Variants in PCDH15 observed in about 807,000 individuals in gnomAD.
PCDH15 encodes the protein protocadherin-15.
PCDH15 carries 129 observed loss-of-function variants against 178.5 expected under a neutral mutation model. The observed-to-expected ratio is 0.72, with a 90% CI of 0.63 to 0.84. The LOEUF (loss-of-function observed/expected upper bound fraction) is 0.84. Ranked by LOEUF, PCDH15 falls within the 40% of genes least tolerant of loss-of-function variation. The pLI is 0.00. For synonymous variants in PCDH15, 800 were observed against 732.0 expected (o/e 1.09, Z -1.50); for missense variants, 2,230 against 2,099.9 (o/e 1.06, Z -1.21).
In PCDH15 at chr10:55,097,457, C is replaced by T. The variant is rs73257829; in HGVS notation, c.-80+69119G>A. 3.9e-3 allele frequency among the ~76,000 whole-genome samples: 592 copies of T among 152,162 alleles called. 5 individuals carry two copies. Among genetic ancestry groups the T allele is most frequent in the African/African-American group, 0.013 (526 of 41,516 alleles). The stretch of plus-strand genomic sequence containing the variant: ...CCATTAAACTGTAAACTCAAGCTCA[C>T]GCTAAGAACAAGAGATGTCCCAACT... On this transcript the variant is annotated intron_variant, in intron 2 of 5. Coordinates refer to the PCDH15 transcript ENST00000458638.
chr10:55,499,568 T>C (rs1840609822), intron 2 of PCDH15, among the ~76,000 whole-genome samples: 2 of 151,744 alleles, frequency 1.3e-5, no homozygotes, highest in East Asian at 1.9e-4. Context: ...TTAAAATTCT[T>C]ATACAATTTT....
intron 1 of PCDH15, among the ~76,000 whole-genome samples, chr10:54,693,572 G>A (rs1239610977): frequency 2.0e-5 from 3 of 152,100 alleles, no homozygotes; most frequent in African/African-American, 4.8e-5. Context: ...ATCTAACTTG[G>A]TTTCTGAATG....
chr10:54,480,075 A>C (rs1445748960), intron 3 of PCDH15, among the ~76,000 whole-genome samples: 1 of 152,138 alleles, frequency 6.6e-6, no homozygotes, highest in Non-Finnish European at 1.5e-5. Context: ...AAGTCTACAC[A>C]CCATTTGTAA....
intron 26 of PCDH15, among the ~76,000 whole-genome samples, chr10:53,902,668 G>A (rs976575616): frequency 3.3e-5 from 5 of 152,098 alleles, no homozygotes; most frequent in Admixed American, 2.0e-4. Context: ...AACATTTGAT[G>A]ATAAATAAAG....
intron 2 of PCDH15, among the ~76,000 whole-genome samples, chr10:55,484,200 T>C (rs1373980667): frequency 1.3e-5 from 2 of 151,798 alleles, no homozygotes; most frequent in East Asian, 2.0e-4. Flanking sequence ...ACAAAGTTAA[T>C]ACCTGGTTAG....
At chr10:54,396,577 T>C (rs1202493655) in intron 3 of PCDH15, among the ~76,000 whole-genome samples, 1 of 152,150 alleles carries the variant, frequency 6.6e-6, no homozygotes, top group Non-Finnish European at 1.5e-5. Flanking sequence ...TTTCATTCTC[T>C]TTCCAACACT....
chr10:55,053,774 G>C (rs1230513592), intron 2 of PCDH15, among the ~76,000 whole-genome samples: 2 of 152,292 alleles, frequency 1.3e-5, no homozygotes, highest in East Asian at 3.9e-4. Flanking sequence ...CACATGGAAA[G>C]TGTCCAGCAC....
chr10:53,952,218 C>A (rs1029635366), intron 23 of PCDH15, among the ~76,000 whole-genome samples: 1 of 152,174 alleles, frequency 6.6e-6, no homozygotes, highest in Non-Finnish European at 1.5e-5. Flanking sequence ...CTCTTTCAGT[C>A]CTGCCATTCA....
intron 1 of PCDH15, among the ~76,000 whole-genome samples, chr10:55,303,004 A>G (rs1253324980): frequency 1.3e-5 from 2 of 152,138 alleles, no homozygotes. Context: ...CAAAGTTAAC[A>G]TTACTTAAAT....
At chr10:54,184,329 C>G (rs890798323) in intron 12 of PCDH15, among the ~76,000 whole-genome samples, 2 of 152,050 alleles carry the variant, frequency 1.3e-5, no homozygotes, top group African/African-American at 4.8e-5. Context: ...TGTGCTTTCT[C>G]TTAGCTCATC....
At chr10:54,062,258 A>AAAAAAAAAAAAAAAT (rs1565159236) in intron 18 of PCDH15, among the ~76,000 whole-genome samples, 1 of 106,638 alleles carries the variant, frequency 9.4e-6, no homozygotes, top group Non-Finnish European at 2.0e-5. Flanking sequence ...AAAAACAAAA[A>AAAAAAAAAAAAAAAT]ACAACTAAAT....
intron 20 of PCDH15, among the ~76,000 whole-genome samples, chr10:54,013,502 T>C (rs781342059): frequency 9.2e-5 from 14 of 152,130 alleles, no homozygotes; most frequent in Admixed American, 2.0e-4. Flanking sequence ...GACCACACAA[T>C]TGGACATCAA....
At position 55,526,527 on chromosome 10, in the gene PCDH15, C is replaced by T. The variant is rs114486976; in HGVS notation, c.-156+101098G>A. On this transcript the variant is annotated intron_variant, in intron 2 of 5. Transcript: ENST00000613346. ...CCTTTTAATACTTTTTTCTTTAGCACAACACCTTATTGTGAGACTCTTTCT... is the reference window on the plus strand; with the variant it reads ...CCTTTTAATACTTTTTTCTTTAGCATAACACCTTATTGTGAGACTCTTTCT... 6.3e-3 allele frequency among the ~76,000 whole-genome samples: 958 copies of T among 152,012 alleles called. 8 individuals carry two copies. Among genetic ancestry groups the T allele is most frequent in the African/African-American group, 0.022 (908 of 41,514 alleles).
chr10:55,485,320 G>A (rs1374975807), intron 2 of PCDH15, among the ~76,000 whole-genome samples: 1 of 151,576 alleles, frequency 6.6e-6, no homozygotes, highest in African/African-American at 2.4e-5. Flanking sequence ...AAGTGTGTGG[G>A]AGTTATTTAT....
chr10:54,274,856 T>C (rs193037560), intron 8 of PCDH15, among the ~76,000 whole-genome samples: 2 of 152,124 alleles, frequency 1.3e-5, no homozygotes, highest in Non-Finnish European at 2.9e-5. Context: ...AATTGAACCT[T>C]GATCAATTAC....
intron 2 of PCDH15, among the ~76,000 whole-genome samples, chr10:55,396,913 A>G (rs954019373): frequency 6.6e-6 from 1 of 152,204 alleles, no homozygotes; most frequent in Non-Finnish European, 1.5e-5. Flanking sequence ...AAAAAAGCCT[A>G]CAATTTTTGT....
At chr10:54,306,069 A>G (rs769389860) in intron 8 of PCDH15, among the ~76,000 whole-genome samples, 2 of 151,850 alleles carry the variant, frequency 1.3e-5, no homozygotes, top group Non-Finnish European at 2.9e-5. Context: ...TCTAATGTCT[A>G]TTTTTCAATG....
chr10:55,041,410 T>A (rs1840861066), intron 2 of PCDH15, among the ~76,000 whole-genome samples: 1 of 152,168 alleles, frequency 6.6e-6, no homozygotes, highest in Admixed American at 6.6e-5. Flanking sequence ...ATCATTAATC[T>A]GAAGGGTTCT....
chr10:55,361,101 G>A (rs1845217096), intron 2 of PCDH15, among the ~76,000 whole-genome samples: 1 of 151,898 alleles, frequency 6.6e-6, no homozygotes, highest in African/African-American at 2.4e-5. Context: ...TCACAAAAGA[G>A]TATATATTGC....
Sources: allele counts gnomAD v4.1 joint callset (sites outside exome capture counted in the v4.1 genomes callset), GRCh38; gene constraint gnomAD v4.1.1; transcripts MANE v1.5; gene names NCBI Gene and HGNC (gene_info 2026-07-23, HGNC 2026-07-21).